The following SCN9A variants were observed in gnomAD, a reference collection of about 807,000 sequenced individuals.
The protein encoded by SCN9A is sodium voltage-gated channel alpha subunit 9, also known as sodium channel protein type 9 subunit alpha.
SCN9A carries 131 observed loss-of-function variants against 187.0 expected under a neutral mutation model. That is an observed-to-expected ratio of 0.70 (90% confidence interval 0.61 to 0.81). The LOEUF is 0.81. Among genes scored for constraint, SCN9A ranks in the 30% least tolerant of loss-of-function variants. SCN9A has a pLI of 0.00. For missense variants in SCN9A, 2,252 were observed against 2,396.6 expected (o/e 0.94, Z 1.26); for synonymous variants, 809 against 808.6 (o/e 1.00, Z -0.01).
chr2:166,354,199 A>G (rs1432990002), intron 1 of SCN9A, among the ~76,000 whole-genome samples: 2 of 152,176 alleles, frequency 1.3e-5, no homozygotes, highest in Non-Finnish European at 2.9e-5. Flanking sequence ...AAAAAAATTA[A>G]AACATTGAAA....
intron 1 of SCN9A, among the ~76,000 whole-genome samples, chr2:166,334,010 T>C (rs186654635): frequency 7.6e-4 from 115 of 152,198 alleles, no homozygotes; most frequent in Non-Finnish European, 1.2e-3. Context: ...TTCTTTCAAA[T>C]TGCATAATCC....
chr2:166,257,325 A>G (rs1696322676), intron 17 of SCN9A, among the ~76,000 whole-genome samples: 1 of 151,664 alleles, frequency 6.6e-6, no homozygotes, highest in African/African-American at 2.4e-5. Flanking sequence ...CGTAAATATT[A>G]TCTATAATTT....
At chr2:166,351,261 A>G (rs183095706) in intron 1 of SCN9A, among the ~76,000 whole-genome samples, 34 of 152,332 alleles carry the variant, frequency 2.2e-4, no homozygotes, top group Admixed American at 2.0e-3. Context: ...TTTTCCTTAT[A>G]AAGTTTATCA....
At chr2:166,298,678 C>T (rs4632359) in intron 7 of SCN9A, 57,614 of 152,022 alleles carry the variant, frequency 0.38, 11,011 homozygotes, top group Non-Finnish European at 0.4. Flanking sequence ...GTTCTTGTCA[C>T]TCTTTGTACA....
chr2:166,305,507 A>G (rs1698724597), intron 5 of SCN9A, among the ~76,000 whole-genome samples: 2 of 152,154 alleles, frequency 1.3e-5, no homozygotes, highest in South Asian at 4.1e-4. Flanking sequence ...GAACTTGGAA[A>G]AAGTGTAAAC....
intron 1 of SCN9A, among the ~76,000 whole-genome samples, chr2:166,363,512 A>G (rs139815430): frequency 7.4e-4 from 112 of 152,126 alleles, no homozygotes; most frequent in African/African-American, 2.6e-3. Context: ...AACAACTCAA[A>G]AGTTTTAATA....
Position 166,311,789 on chromosome 2 carries a change from G to C in SCN9A, c.-33C>G. 1 of 1,545,968 alleles carries C rather than the reference G, an allele frequency of 6.5e-7. No homozygotes were observed. On this transcript the variant is annotated 5_prime_UTR_variant, in exon 2 of 27. Transcript: ENST00000642356. ...TCCTGTATATTTTAATTCCTCTTCA[G>C]CTCCTCACATAAGAGGCCTGGATGG...
At chr2:166,285,641 T>C (rs6722511) in intron 11 of SCN9A, among the ~76,000 whole-genome samples, 61,470 of 151,676 alleles carry the variant, frequency 0.41, 12,612 homozygotes, top group African/African-American at 0.47. Context: ...ATCAGGAGAA[T>C]CTTGTAGATT....
intron 22 of SCN9A, among the ~76,000 whole-genome samples, chr2:166,228,220 A>G (rs893253628): frequency 6.8e-6 from 1 of 146,034 alleles, no homozygotes; most frequent in Admixed American, 6.8e-5. Flanking sequence ...TTATTCATGT[A>G]GGAACATGTT....
rs569993007 is a variant in SCN9A at position 166,231,040 on chromosome 2, CT to C, written c.3925-2069del. Among the ~76,000 whole-genome samples, 45 of 152,286 alleles carry C rather than the reference CT, an allele frequency of 3.0e-4. No individual in the cohort carries two copies. In the South Asian group the frequency reaches 9.3e-3, roughly 32 times the overall value. On this transcript the variant is annotated intron_variant, in intron 21 of 26. Coordinates refer to ENST00000642356, the MANE Select transcript of SCN9A (RefSeq NM_001365536.1). ...CTTTTTGCATGGTTAACAAATGTAA[CT>C]AAATAGACATTTGCCTCTCAAAATA...
intron 9 of SCN9A, 45 bp downstream of exon 9, chr2:166,293,186 C>T (rs371114677): frequency 1.1e-4 from 172 of 1,536,470 alleles, no homozygotes; most frequent in Non-Finnish European, 1.4e-4. Flanking sequence ...ACACCAGGTA[C>T]ATATGCCATT....
chr2:166,286,354 C>T lies in SCN9A; in HGVS notation c.1584G>A (p.Arg528=), dbSNP rs1697741636. 4 of 1,609,280 alleles carry T rather than the reference C, an allele frequency of 2.5e-6. No homozygotes were observed. The highest frequency in any genetic ancestry group is 2.2e-5 in the East Asian group (1 of 44,856). The change falls in exon 11 of 27, where the codon AGG becomes AGA. Residue 528 remains arginine (R), a synonymous_variant. Transcript: ENST00000642356. Reference sequence around the variant, plus strand: ...GTGGTACCTGATTGGGGGTAGACAACCTCTTTTCATGTGCTCGCCTATGCC... The same window carrying T: ...GTGGTACCTGATTGGGGGTAGACAATCTCTTTTCATGTGCTCGCCTATGCC... The part of the protein sequence containing the change: ...VEGHRRAHEK[R]LSTPNQSPLS...
intron 17 of SCN9A, among the ~76,000 whole-genome samples, chr2:166,263,240 C>A (rs1014696099): frequency 3.3e-5 from 5 of 151,968 alleles, no homozygotes; most frequent in Admixed American, 2.0e-4. Context: ...AGTTCAACTT[C>A]TCTCTCTGCC....
intron 16 of SCN9A, among the ~76,000 whole-genome samples, chr2:166,275,392 C>G (rs1697186201): frequency 6.6e-6 from 1 of 151,984 alleles, no homozygotes; most frequent in African/African-American, 2.4e-5. Flanking sequence ...CGAGACCAGC[C>G]TGGCCAACAT....
chr2:166,279,374 C>A (rs987261863), intron 14 of SCN9A, among the ~76,000 whole-genome samples: 12 of 152,228 alleles, frequency 7.9e-5, no homozygotes, highest in African/African-American at 2.2e-4. Context: ...GACAAAGATA[C>A]CCAAAGTTAT....
chr2:166,222,960 A>AAAAAAAAAAAC (rs1694679451), intron 24 of SCN9A, among the ~76,000 whole-genome samples: 1 of 146,692 alleles, frequency 6.8e-6, no homozygotes, highest in Non-Finnish European at 1.5e-5. Context: ...AAAAAAAAAA[A>AAAAAAAAAAAC]AAAAAAAAAA....
At chr2:166,199,993 T>G (rs1333363065) in intron 26 of SCN9A, 129 bp from the exon 27 acceptor site, 40 of 481,694 alleles carry the variant, frequency 8.3e-5, no homozygotes, top group Non-Finnish European at 1.1e-4. Context: ...TTTTTTTTTT[T>G]TTTTTTTTTT....
intron 18 of SCN9A, among the ~76,000 whole-genome samples, chr2:166,251,052 G>T (rs1023960033): frequency 1.3e-5 from 2 of 151,902 alleles, no homozygotes; most frequent in Non-Finnish European, 2.9e-5. Context: ...ACAAACAACA[G>T]ATGGTGATGA....
At chr2:166,286,874 C>G (rs754297521) in intron 10 of SCN9A, among the ~76,000 whole-genome samples, 49 of 152,142 alleles carry the variant, frequency 3.2e-4, no homozygotes, top group Non-Finnish European at 6.5e-4. Flanking sequence ...AATTTGCTTA[C>G]AGTAAAGACA....
Sources: gnomAD v4.1 joint callset for allele counts (sites outside exome capture counted in the v4.1 genomes callset) on GRCh38, gnomAD v4.1.1 for gene constraint, MANE v1.5 for transcripts, NCBI Gene and HGNC (gene_info 2026-07-23, HGNC 2026-07-21) for gene names.